KDM2A: variants seen among roughly 807,000 people sequenced by gnomAD.
KDM2A encodes lysine demethylase 2A.
Under a neutral mutation model 137.3 loss-of-function variants are expected in KDM2A, and 3 were observed. The ratio of observed to expected loss-of-function variants is 0.02; its 90% CI spans 0.01 to 0.06. The LOEUF is 0.06. Among genes scored for constraint, KDM2A ranks in the 10% least tolerant of loss-of-function variants. KDM2A has a pLI of 1.00. For missense variants in KDM2A, 738 were observed against 1,510.6 expected, an observed-to-expected ratio of 0.49 and a Z score of 8.48; for synonymous variants, 512 against 541.5, an observed-to-expected ratio of 0.95 and a Z score of 0.76.
At chr11:67,185,625 G>A (rs1322180694) in intron 5 of KDM2A, among the ~76,000 whole-genome samples, 3 of 146,846 alleles carry the variant, frequency 2.0e-5, no homozygotes, top group African/African-American at 7.6e-5. Flanking sequence ...GGTGACGAGC[G>A]AAACTCTGTC....
intron 2 of KDM2A, chr11:67,131,821 C>G (rs1855861348): frequency 2.0e-5 from 3 of 152,160 alleles, no homozygotes; most frequent in Admixed American, 2.0e-4. Flanking sequence ...ATGGCACATT[C>G]TTTCTTTTCA....
chr11:67,142,197 C>T lies in KDM2A; in HGVS notation c.42+20839C>T, dbSNP rs559647164. Among the ~76,000 whole-genome samples, 20 of 151,814 alleles carry T rather than the reference C, an allele frequency of 1.3e-4. 1 individual carries two copies. Among genetic ancestry groups the T allele is most frequent in the Admixed American group, 5.2e-4 (8 of 15,274 alleles). On this transcript the variant is annotated intron_variant, in intron 2 of 20. Coordinates refer to ENST00000529006, the MANE Select transcript of KDM2A (RefSeq NM_012308.3). ...GTTTACAGGTGTGCATCACCACGCC[C>T]GGCTAATTTCTGCATTTTTAGTAGA... is the stretch of plus-strand genomic sequence containing the variant.
intron 2 of KDM2A, among the ~76,000 whole-genome samples, chr11:67,141,654 G>A (rs1346266830): frequency 9.2e-6 from 1 of 108,158 alleles, no homozygotes; most frequent in African/African-American, 3.8e-5. Context: ...GCGACAGAAT[G>A]AGACTCGTTC....
chr11:67,219,119 C>T (rs1221112234), intron 9 of KDM2A, among the ~76,000 whole-genome samples, 169 bp from the exon 10 acceptor site: 1 of 152,138 alleles, frequency 6.6e-6, no homozygotes, highest in Non-Finnish European at 1.5e-5. Context: ...ATTATTTATC[C>T]TGGTTTTATA....
intron 15 of KDM2A, among the ~76,000 whole-genome samples, chr11:67,247,072 T>TATATATATAA (rs1491570916): frequency 2.8e-3 from 52 of 18,338 alleles, no homozygotes; most frequent in South Asian, 7.1e-3. Context: ...TATATATATA[T>TATATATATAA]TTTTTTTTTT....
At chr11:67,209,604 C>T (rs905667672) in intron 6 of KDM2A, among the ~76,000 whole-genome samples, 10 of 151,894 alleles carry the variant, frequency 6.6e-5, no homozygotes, top group Admixed American at 5.9e-4. Flanking sequence ...CCACCACACC[C>T]GGCTAATTTT....
At chr11:67,127,286 A>G (rs557427438) in intron 2 of KDM2A, among the ~76,000 whole-genome samples, 201 of 152,030 alleles carry the variant, frequency 1.3e-3, no homozygotes, top group African/African-American at 4.6e-3. Flanking sequence ...CTGTAAAGGC[A>G]GGCTATCCCT....
chr11:67,253,444 C>G lies in KDM2A; in HGVS notation c.2933-9C>G. 6.2e-7 allele frequency: 1 copy of G among 1,611,872 alleles called. No individual in the cohort carries two copies. Reference sequence around the variant, plus strand: ...TGTATTATTACATGTCTCATTCCATCCATTGCAGGACTGAAAGACCTCCTC... The same window carrying G: ...TGTATTATTACATGTCTCATTCCATGCATTGCAGGACTGAAAGACCTCCTC... On this transcript the variant is annotated splice_polypyrimidine_tract_variant and intron_variant, in intron 18 of 20. Transcript: ENST00000529006.
intron 6 of KDM2A, among the ~76,000 whole-genome samples, chr11:67,210,855 C>G (rs1565405891): frequency 6.6e-6 from 1 of 152,138 alleles, no homozygotes; most frequent in Non-Finnish European, 1.5e-5. Context: ...ACATTTATAG[C>G]TAGAGGCCTG....
intron 2 of KDM2A, among the ~76,000 whole-genome samples, chr11:67,176,866 G>T (rs1856981092): frequency 6.6e-6 from 1 of 152,166 alleles, no homozygotes; most frequent in Non-Finnish European, 1.5e-5. Flanking sequence ...CTCTAAGTGA[G>T]TCAGTGAGTG....
At chr11:67,251,668 A>C (rs1430906786) in intron 17 of KDM2A, among the ~76,000 whole-genome samples, 1 of 152,172 alleles carries the variant, frequency 6.6e-6, no homozygotes, top group Non-Finnish European at 1.5e-5. Flanking sequence ...CTGCTTTAAC[A>C]AGCGCTCCTC....
intron 5 of KDM2A, among the ~76,000 whole-genome samples, chr11:67,207,089 T>G (rs1318687860): frequency 1.3e-5 from 2 of 152,206 alleles, no homozygotes; most frequent in South Asian, 4.1e-4. Flanking sequence ...TGAGATAGAT[T>G]AGGTCAACCT....
intron 2 of KDM2A, among the ~76,000 whole-genome samples, chr11:67,129,016 A>G (rs1029963920): frequency 6.6e-5 from 10 of 152,134 alleles, no homozygotes; most frequent in African/African-American, 2.2e-4. Flanking sequence ...CCAGGGGCTT[A>G]AGGCTGTGAT....
intron 16 of KDM2A, among the ~76,000 whole-genome samples, chr11:67,249,332 A>G (rs1366755387): frequency 3.9e-5 from 6 of 152,234 alleles, no homozygotes; most frequent in Admixed American, 3.3e-4. Flanking sequence ...GTAGCACCCA[A>G]AAGGTGGTCA....
intron 12 of KDM2A, among the ~76,000 whole-genome samples, chr11:67,238,991 G>A (rs1036793717): frequency 3.3e-5 from 5 of 152,192 alleles, no homozygotes; most frequent in Non-Finnish European, 5.9e-5. Flanking sequence ...CTGGGGATCC[G>A]GGGATCAGGG....
At chr11:67,216,729 T>G (rs1433308308) in intron 8 of KDM2A, among the ~76,000 whole-genome samples, 6 of 151,702 alleles carry the variant, frequency 4.0e-5, no homozygotes, top group Non-Finnish European at 7.4e-5. Flanking sequence ...AAGACCAGCC[T>G]GACCAACATG....
chr11:67,141,592 G>A (rs367747123), intron 2 of KDM2A, among the ~76,000 whole-genome samples: 6 of 148,230 alleles, frequency 4.0e-5, no homozygotes, highest in Admixed American at 6.8e-5. Flanking sequence ...GCGTGAACCC[G>A]GGAGGCAGAG....
At chr11:67,248,561 T>C in intron 16 of KDM2A, 191 bp downstream of exon 16, 1 of 546,398 alleles carries the variant, frequency 1.8e-6, no homozygotes, top group South Asian at 2.2e-5. Context: ...TAGCATTGTG[T>C]TTTGTATTAC....
intron 2 of KDM2A, among the ~76,000 whole-genome samples, chr11:67,158,133 A>G (rs530534952): frequency 6.6e-6 from 1 of 151,276 alleles, no homozygotes; most frequent in Non-Finnish European, 1.5e-5. Flanking sequence ...ACCAGCAACT[A>G]CGGATCTTTT....
Sources: allele counts gnomAD v4.1 joint callset (sites outside exome capture counted in the v4.1 genomes callset), GRCh38; gene constraint gnomAD v4.1.1; transcripts MANE v1.5; gene names NCBI Gene and HGNC (gene_info 2026-07-23, HGNC 2026-07-21).